PDE8A: variants seen among roughly 807,000 people sequenced by gnomAD.
PDE8A encodes phosphodiesterase 8A.
PDE8A carries 59 observed loss-of-function variants against 105.0 expected under a neutral mutation model. That is an observed-to-expected ratio of 0.56 (90% CI 0.46 to 0.70). The LOEUF (loss-of-function observed/expected upper bound fraction) is 0.70. Among genes scored for constraint, PDE8A ranks in the 30% least tolerant of loss-of-function variants. The pLI is 0.00. For synonymous variants in PDE8A, 355 were observed against 371.9 expected (o/e 0.95, Z 0.52); for missense variants, 1,014 against 1,045.9 (o/e 0.97, Z 0.42).
At chr15:85,064,689 C>T (rs1169900887) in intron 2 of PDE8A, among the ~76,000 whole-genome samples, 3 of 152,264 alleles carry the variant, frequency 2.0e-5, no homozygotes, top group East Asian at 3.9e-4. Flanking sequence ...CACGGTGGCT[C>T]ATGCCTATAA....
intron 6 of PDE8A, among the ~76,000 whole-genome samples, chr15:85,085,901 A>G (rs928492398): frequency 4.0e-5 from 6 of 149,974 alleles, no homozygotes; most frequent in African/African-American, 1.5e-4. Flanking sequence ...CATCCCAGCT[A>G]CTTGGGAGGC....
At chr15:85,020,552 C>G (rs2080408050) in intron 1 of PDE8A, among the ~76,000 whole-genome samples, 1 of 152,118 alleles carries the variant, frequency 6.6e-6, no homozygotes, top group Non-Finnish European at 1.5e-5. Flanking sequence ...TGCAGTGAGC[C>G]AAAATTGTAC....
At chr15:85,053,005 T>A (rs1174089643) in intron 1 of PDE8A, among the ~76,000 whole-genome samples, 1 of 152,194 alleles carries the variant, frequency 6.6e-6, no homozygotes, top group Non-Finnish European at 1.5e-5. Context: ...GCGTAAGGTG[T>A]AAGGAAGTGA....
chr15:85,001,653 C>T (rs2080069567), intron 1 of PDE8A, among the ~76,000 whole-genome samples: 1 of 152,104 alleles, frequency 6.6e-6, no homozygotes, highest in South Asian at 2.1e-4. Flanking sequence ...TTGTTGGGCA[C>T]CTGAAGACGT....
At chr15:85,089,607 CTAA>C (rs1384936746) in intron 7 of PDE8A, among the ~76,000 whole-genome samples, 191 bp downstream of exon 7, 2 of 151,860 alleles carry the variant, frequency 1.3e-5, no homozygotes, top group Non-Finnish European at 2.9e-5. Flanking sequence ...AGAAAACATA[CTAA>C]TAATTAAGGT....
upstream of PDE8A, among the ~76,000 whole-genome samples, chr15:84,981,339 G>A (rs1319589155): frequency 6.6e-6 from 1 of 152,202 alleles, no homozygotes; most frequent in African/African-American, 2.4e-5. Context: ...GGTCACCGCT[G>A]GGGGCTCGGC....
chr15:85,080,331 C>A (rs1360646518), intron 5 of PDE8A, among the ~76,000 whole-genome samples: 2 of 152,154 alleles, frequency 1.3e-5, no homozygotes, highest in Non-Finnish European at 2.9e-5. Flanking sequence ...GTTTACTTAG[C>A]CAGCAGTAAG....
At chr15:84,997,917 GT>G (rs1177004151) in intron 1 of PDE8A, among the ~76,000 whole-genome samples, 2 of 152,136 alleles carry the variant, frequency 1.3e-5, no homozygotes, top group African/African-American at 4.8e-5. Context: ...CTTACAACAG[GT>G]TTAAGATGGG....
intron 1 of PDE8A, among the ~76,000 whole-genome samples, chr15:85,009,391 A>C (rs1159134402): frequency 6.6e-6 from 1 of 152,216 alleles, no homozygotes; most frequent in Non-Finnish European, 1.5e-5. Flanking sequence ...CTATTCCTAC[A>C]CATTGTTTTC....
At position 85,119,092 on chromosome 15, in the gene PDE8A, A is replaced by G. The variant is rs187463058; in HGVS notation, c.1734+1253A>G. Reference sequence around the variant, plus strand: ...CATCTGTGTCAATATGGCTCAGCATATAAAGAACCCAATTTTTGCTGTATT... The same window carrying G: ...CATCTGTGTCAATATGGCTCAGCATGTAAAGAACCCAATTTTTGCTGTATT... On this transcript the variant is annotated intron_variant, in intron 17 of 21. Transcript: ENST00000394553. Among the ~76,000 whole-genome samples the G allele has an allele frequency of 3.7e-4, 57 of 152,350 alleles. No individual in the cohort carries two copies. In the East Asian group the frequency reaches 0.011, roughly 28 times the overall value.
rs760255579 is a variant in PDE8A, at chr15:85,136,615, A to G, written c.2335A>G (p.Ile779Val). The G allele has an allele frequency of 5.0e-6, 8 of 1,613,870 alleles. No individual in the cohort carries two copies. The highest frequency in any genetic ancestry group is 6.8e-6 in the Non-Finnish European group (8 of 1,179,846). ...TACCTGCAGCATCCCCAAATCCCAAATCTCTTTCATTGATTACTTCATCAC... is the reference window on the plus strand; with the variant it reads ...TACCTGCAGCATCCCCAAATCCCAAGTCTCTTTCATTGATTACTTCATCAC... ...RNTCSIPKSQ[I>V]SFIDYFITDM... is the part of the protein sequence containing the mutation. The change falls in exon 21 of 22, where the codon ATC becomes GTC. Residue 779 changes from isoleucine (I) to valine (V), a missense_variant. By Grantham distance (29) the Ile-to-Val change is conservative. Coordinates refer to ENST00000394553, the MANE Select transcript of PDE8A (RefSeq NM_002605.3).
At chr15:85,086,630 G>T (rs986476296) in intron 6 of PDE8A, among the ~76,000 whole-genome samples, 1 of 152,094 alleles carries the variant, frequency 6.6e-6, no homozygotes, top group South Asian at 2.1e-4. Context: ...TTTATTTACC[G>T]TATCTGCGAA....
At chr15:85,115,308 C>T (rs1376932886) in intron 14 of PDE8A, 131 bp from the exon 15 acceptor site, 1 of 618,710 alleles carries the variant, frequency 1.6e-6, no homozygotes, top group South Asian at 1.9e-5. Flanking sequence ...ACCTGCTGGG[C>T]CCAGGGCAGC....
intron 1 of PDE8A, among the ~76,000 whole-genome samples, chr15:85,004,058 C>A (rs1469641179): frequency 6.6e-6 from 1 of 152,224 alleles, no homozygotes; most frequent in Non-Finnish European, 1.5e-5. Context: ...CACATGGCCA[C>A]ACTTCACTGA....
chr15:85,032,637 T>G (rs902069536), intron 1 of PDE8A, among the ~76,000 whole-genome samples: 2 of 152,186 alleles, frequency 1.3e-5, no homozygotes, highest in South Asian at 4.1e-4. Context: ...CAGTGTCTTA[T>G]GATACTCTTA....
intron 9 of PDE8A, 64 bp downstream of exon 9, chr15:85,098,100 T>G: frequency 2.0e-6 from 2 of 987,622 alleles, no homozygotes; most frequent in Non-Finnish European, 3.2e-6. Context: ...AGAATTTGCT[T>G]TGAATATTTA....
intron 1 of PDE8A, among the ~76,000 whole-genome samples, chr15:85,056,205 T>A (rs1173612770): frequency 6.6e-6 from 1 of 152,294 alleles, no homozygotes. Context: ...CTTCCCTTTG[T>A]GGGTAACCCG....
chr15:85,079,441 A>G (rs971895292), intron 5 of PDE8A, among the ~76,000 whole-genome samples: 4 of 152,330 alleles, frequency 2.6e-5, no homozygotes, highest in East Asian at 1.9e-4. Context: ...AAAGAAATCT[A>G]TGTCTGCTTT....
At chr15:85,123,641 A>G (rs2082216876) in intron 19 of PDE8A, among the ~76,000 whole-genome samples, 1 of 152,132 alleles carries the variant, frequency 6.6e-6, no homozygotes, top group South Asian at 2.1e-4. Context: ...TTAAGGGTGG[A>G]TCTGCCTTCC....
Sources: gnomAD v4.1 joint callset for allele counts (sites outside exome capture counted in the v4.1 genomes callset) on GRCh38, gnomAD v4.1.1 for gene constraint, MANE v1.5 for transcripts, NCBI Gene and HGNC (gene_info 2026-07-23, HGNC 2026-07-21) for gene names.